SPTBN4: variants seen among roughly 807,000 people sequenced by gnomAD.
SPTBN4 encodes the protein spectrin beta chain, non-erythrocytic 4.
In SPTBN4, 96 loss-of-function variants were observed where a neutral mutation model predicts 277.8. That is an observed-to-expected ratio of 0.35 (90% CI 0.29 to 0.41). SPTBN4 has a LOEUF of 0.41. Ranked by LOEUF, SPTBN4 falls within the 10% of genes least tolerant of loss-of-function variation. SPTBN4 has a pLI of 1.00. For missense variants in SPTBN4, 3,006 were observed against 3,595.7 expected, an observed-to-expected ratio of 0.84 and a Z score of 4.19; for synonymous variants, 1,481 against 1,580.3, an observed-to-expected ratio of 0.94 and a Z score of 1.49.
Position 40,519,779 on chromosome 19 carries a change from A to T in SPTBN4, c.3282A>T (p.Leu1094=). ...CAGCAGGGCGCCTGCAGCGCTTCCT[A>T]CATGACCTCGACGCTTTCCTGGACT... ...VAAAGRLQRF[L]HDLDAFLDWL... is the part of the protein sequence containing the mutation. The change falls in exon 16 of 36, where the codon CTA becomes CTT. Residue 1094 remains leucine (L), a synonymous_variant. Coordinates refer to ENST00000598249, the MANE Select transcript of SPTBN4 (RefSeq NM_020971.3). The surrounding 1 kb of genome is among the most constrained non-coding windows in gnomAD (Gnocchi z 5.7). 1 of 1,426,782 alleles carries T rather than the reference A, an allele frequency of 7.0e-7. No homozygotes were observed. The highest frequency in any genetic ancestry group is 1.5e-5 in the South Asian group (1 of 66,938). 88.4% of individuals were successfully genotyped at this position (1,426,782 alleles called of 1,614,324 possible).
At position 40,566,259 on chromosome 19, in the gene SPTBN4, G is replaced by T. The variant is rs2081091240; in HGVS notation, c.6236G>T (p.Ser2079Ile). 1.3e-6 allele frequency: 2 copies of T among 1,575,262 alleles called. No individual in the cohort carries two copies. Among genetic ancestry groups the T allele is most frequent in the Admixed American group, 1.8e-5 (1 of 54,242 alleles). Reference sequence around the variant, plus strand: ...CTGCAGAGCCGGGAGCTGGGCAGCAGCGTGGATGAGGTGGAGCAGCTTATC... The same window carrying T: ...CTGCAGAGCCGGGAGCTGGGCAGCATCGTGGATGAGGTGGAGCAGCTTATC... The part of the protein sequence containing the change: ...PLLQSRELGS[S>I]VDEVEQLIRR... The change falls in exon 30 of 36, where the codon AGC (serine) becomes ATC (isoleucine). Residue 2079 changes from serine (S) to isoleucine (I), a missense_variant. This residue lies in a region of SPTBN4 where 425 missense variants were observed against 594.7 expected (regional missense o/e 0.71). Transcript: ENST00000598249.
At chr19:40,496,636 G>C (rs1031743821) in intron 6 of SPTBN4, among the ~76,000 whole-genome samples, 1 of 152,168 alleles carries the variant, frequency 6.6e-6, no homozygotes, top group African/African-American at 2.4e-5. Context: ...ACAGAGAAAC[G>C]CAGTAGCTCA....
intron 18 of SPTBN4, among the ~76,000 whole-genome samples, chr19:40,531,464 GTTTTTTTTTTTTTTT>G (rs71173645): frequency 1.2e-3 from 48 of 40,924 alleles, no homozygotes; most frequent in African/African-American, 3.4e-3. Flanking sequence ...TCCAGTGTTT[GTTTTTTTTTTTTTTT>G]TTTTTTTTTT....
intron 24 of SPTBN4, chr19:40,555,055 T>C (rs1333256356): frequency 1.1e-5 from 2 of 189,874 alleles, no homozygotes; most frequent in African/African-American, 4.8e-5. Context: ...TTGCCTCGTG[T>C]AGGCGGATGC....
chr19:40,548,333 CA>C (rs899247886), intron 20 of SPTBN4, among the ~76,000 whole-genome samples: 1 of 151,610 alleles, frequency 6.6e-6, no homozygotes. Flanking sequence ...ACTAAAAATA[CA>C]AAAAAAATTA....
intron 1 of SPTBN4, among the ~76,000 whole-genome samples, chr19:40,468,859 G>A (rs1001158642): frequency 6.6e-6 from 1 of 152,148 alleles, no homozygotes; most frequent in African/African-American, 2.4e-5. Context: ...AGCACTTTGG[G>A]AAGTTGAAGT....
chr19:40,552,027 C>G (rs1164626854), intron 22 of SPTBN4, among the ~76,000 whole-genome samples: 1 of 150,352 alleles, frequency 6.7e-6, no homozygotes, highest in Non-Finnish European at 1.5e-5. Flanking sequence ...TAAAGATTTA[C>G]TAAGTGCTGG....
chr19:40,521,546 G>T (rs745829605), intron 16 of SPTBN4, among the ~76,000 whole-genome samples: 4 of 152,062 alleles, frequency 2.6e-5, no homozygotes, highest in Non-Finnish European at 4.4e-5. Flanking sequence ...CCCCACATGC[G>T]CAGTTCACAA....
In SPTBN4 at chr19:40,502,548, G is replaced by A. The variant is rs779937897; in HGVS notation, c.1203+41G>A. 17 of 1,565,456 alleles carry A rather than the reference G, an allele frequency of 1.1e-5. No individual in the cohort carries two copies. The Admixed American group carries it at 2.8e-4, about 26-fold the overall frequency. On this transcript the variant is annotated intron_variant, in intron 10 of 35. Coordinates refer to ENST00000598249, the MANE Select transcript of SPTBN4 (RefSeq NM_020971.3). The surrounding 1 kb of genome is among the most constrained non-coding windows in gnomAD (Gnocchi z 4.9). ...CAGGGGAGAGGCGGGGTTGCACTGT[G>A]GAGTTGTATAGGTTGCACACTGCTC... is the stretch of plus-strand genomic sequence containing the variant.
At chr19:40,534,982 C>A (rs1296933881) in intron 20 of SPTBN4, 1 of 152,276 alleles carries the variant, frequency 6.6e-6, no homozygotes, top group Non-Finnish European at 1.5e-5. Flanking sequence ...TGAACGTAGC[C>A]ATTGCTTCTC....
chr19:40,513,744 A>G (rs772568571), intron 14 of SPTBN4, among the ~76,000 whole-genome samples, 190 bp downstream of exon 14: 17 of 152,116 alleles, frequency 1.1e-4, no homozygotes, highest in Non-Finnish European at 5.9e-5. Context: ...CCACCTGTAT[A>G]ATGGGGGTGA....
Position 40,508,623 on chromosome 19 carries a change from G to A in SPTBN4, c.1816+2237G>A, listed in dbSNP as rs897943175. Among the ~76,000 whole-genome samples, 6 of 152,304 alleles carry A rather than the reference G, an allele frequency of 3.9e-5. No individual in the cohort carries two copies. The East Asian group carries it at 1.2e-3, about 29-fold the overall frequency. ...GAATCGCTTGAATCTGGGAGGCGGAGGTTGCAGTGAGCCTAGATCGTGCCA... is the reference window on the plus strand; with the variant it reads ...GAATCGCTTGAATCTGGGAGGCGGAAGTTGCAGTGAGCCTAGATCGTGCCA... On this transcript the variant is annotated intron_variant, in intron 13 of 35. Transcript: ENST00000598249.
intron 27 of SPTBN4, among the ~76,000 whole-genome samples, chr19:40,563,672 C>T (rs2081065528): frequency 7.0e-6 from 1 of 142,428 alleles, no homozygotes; most frequent in Non-Finnish European, 1.5e-5. Context: ...GGAGATCGCA[C>T]CACTGCAGTC....
chr19:40,515,872 G>A lies in SPTBN4; in HGVS notation c.2903+424G>A, dbSNP rs9710327. On this transcript the variant is annotated intron_variant, in intron 15 of 35. Coordinates refer to ENST00000598249, the MANE Select transcript of SPTBN4 (RefSeq NM_020971.3). This position sits in a 1 kb window ranked among gnomAD's most constrained non-coding sequence, Gnocchi z 4.1. Reference sequence around the variant, plus strand: ...ACCCCGTCTCTCTCTCTACGTGCGCGCACACACACACACACACACACACAC... The same window carrying A: ...ACCCCGTCTCTCTCTCTACGTGCGCACACACACACACACACACACACACAC... Among the ~76,000 whole-genome samples the A allele has an allele frequency of 0.5, 67,823 of 135,784 alleles. 17,999 individuals are homozygous for A. Among genetic ancestry groups the A allele is most frequent in the Non-Finnish European group, 0.56 (35,728 of 63,964 alleles). 89.1% of individuals were successfully genotyped at this position (135,784 alleles called of 152,430 possible).
Position 40,557,087 on chromosome 19 carries a change from C to A in SPTBN4, c.5354C>A (p.Ala1785Glu). 1 of 1,573,978 alleles carries A rather than the reference C, an allele frequency of 6.4e-7. No individual in the cohort carries two copies. Among genetic ancestry groups the A allele is most frequent in the South Asian group, 1.1e-5 (1 of 89,040 alleles). Reference protein sequence around the residue: ...ETGMAGRERLAAVNQMVDELI... With the variant: ...ETGMAGRERLEAVNQMVDELI... ...GGTATGGCAGGGCGGGAACGGCTGG[C>A]AGCTGTGAACCAGATGGTGGATGAG... Residue 1785 changes from alanine (A) to glutamate (E), a missense_variant, in exon 26 of 36, where the codon GCA becomes GAA. By Grantham distance (107) the Ala-to-Glu change is moderately radical. This residue lies in a region of SPTBN4 where 425 missense variants were observed against 594.7 expected (regional missense o/e 0.71). Transcript: ENST00000598249.
Position 40,494,975 on chromosome 19 carries a change from C to T in SPTBN4, c.666C>T (p.His222=), listed in dbSNP as rs1482647744. ...CCTTCAATGCCCTCATTCACCGGCA[C>T]AGGTACCACCTGGCCTGGGACAGCC... The part of the protein sequence containing the change: ...GLAFNALIHR[H]RPDLVDFSKL... The change falls in exon 6 of 36, where the codon CAC becomes CAT. Residue 222 remains histidine (H), a splice_region_variant and synonymous_variant. Transcript: ENST00000598249. 1.9e-6 allele frequency: 3 copies of T among 1,614,146 alleles called. No individual in the cohort carries two copies. The South Asian group carries it at 3.3e-5, about 18-fold the overall frequency.
intron 31 of SPTBN4, 66 bp downstream of exon 31, chr19:40,568,348 C>T: frequency 4.7e-6 from 7 of 1,483,000 alleles, no homozygotes; most frequent in Non-Finnish European, 6.3e-6. Flanking sequence ...TAGAACCCCT[C>T]AGGCCCAGTG....
intron 20 of SPTBN4, among the ~76,000 whole-genome samples, chr19:40,539,930 A>ATT (rs35971790): frequency 4.5e-4 from 67 of 147,260 alleles, no homozygotes; most frequent in African/African-American, 7.7e-4. Flanking sequence ...CAGGTCTTTA[A>ATT]TTTTTTTTTT....
intron 18 of SPTBN4, among the ~76,000 whole-genome samples, chr19:40,531,967 C>G (rs814502): frequency 6.6e-6 from 1 of 151,624 alleles, no homozygotes; most frequent in African/African-American, 2.4e-5. Context: ...AGGGCTAGAA[C>G]TGGGGAGCCC....
Sources: gnomAD v4.1 joint callset for allele counts (sites outside exome capture counted in the v4.1 genomes callset) on GRCh38, gnomAD v4.1.1 for gene constraint, gnomAD v4.1.1 regional missense constraint, Gnocchi (gnomAD v3.1) non-coding constraint, MANE v1.5 for transcripts, NCBI Gene and HGNC (gene_info 2026-07-23, HGNC 2026-07-21) for gene names.